Variants in PRKCH observed in about 807,000 individuals in gnomAD.
The protein encoded by PRKCH is protein kinase C eta.
In PRKCH, 28 loss-of-function variants were observed where a neutral mutation model predicts 82.5. That is an observed-to-expected ratio of 0.34 (90% confidence interval 0.25 to 0.47). The LOEUF is 0.47. PRKCH is among the 20% of genes least tolerant of loss of function. The pLI, the probability that PRKCH is intolerant of heterozygous loss-of-function variation, is 1.00. For synonymous variants in PRKCH, 322 were observed against 327.4 expected, an observed-to-expected ratio of 0.98 and a Z score of 0.18; for missense variants, 705 against 881.8, an observed-to-expected ratio of 0.80 and a Z score of 2.54.
intron 2 of PRKCH, chr14:61,442,708 A>T (rs1884035310): frequency 6.5e-6 from 1 of 154,854 alleles, no homozygotes; most frequent in Non-Finnish European, 1.4e-5. Context: ...AGACACAAGG[A>T]TCACCTGAAC....
rs1594712022 is a variant in PRKCH at position 61,443,272 on chromosome 14, C to G, written c.578+11C>G. 1.9e-6 allele frequency: 3 copies of G among 1,611,454 alleles called. No individual in the cohort carries two copies. The highest frequency in any genetic ancestry group is 1.7e-4 in the Middle Eastern group (1 of 6,038). On this transcript the variant is annotated intron_variant, in intron 3 of 13. Transcript: ENST00000332981. ...CAGGGAGTTTATCTGGTAAGGGGTT[C>G]CCTTACTTCTGTCCTCCTCAGAGCT...
At chr14:61,274,986 C>T (rs1486354416) in intron 1 of PRKCH, among the ~76,000 whole-genome samples, 1 of 152,180 alleles carries the variant, frequency 6.6e-6, no homozygotes, top group Non-Finnish European at 1.5e-5. Context: ...AGTCTTCATC[C>T]TTCAAGACCT....
chr14:61,329,234 C>CTTTTTTTTCTTTTTTTT (rs2045747404), intron 1 of PRKCH, among the ~76,000 whole-genome samples: 1 of 63,462 alleles, frequency 1.6e-5, no homozygotes, highest in African/African-American at 6.8e-5. Flanking sequence ...ACTCCTGAGT[C>CTTTTTTTTCTTTTTTTT]TTTTTTTTTT....
At chr14:61,451,916 A>G (rs977411971) in intron 6 of PRKCH, among the ~76,000 whole-genome samples, 4 of 152,126 alleles carry the variant, frequency 2.6e-5, no homozygotes, top group African/African-American at 9.7e-5. Flanking sequence ...GAACACTAAT[A>G]ATTTTTTTCT....
At chr14:61,215,882 T>C (rs1279367177) in intron 1 of PRKCH, among the ~76,000 whole-genome samples, 8 of 152,204 alleles carry the variant, frequency 5.3e-5, no homozygotes, top group Non-Finnish European at 1.2e-4. Context: ...TTTTGTGTAA[T>C]ATAGAATACC....
intron 10 of PRKCH, among the ~76,000 whole-genome samples, chr14:61,509,387 G>C (rs1088681): frequency 0.74 from 112,634 of 151,990 alleles, 43,941 homozygotes; most frequent in Middle Eastern, 0.87. Context: ...ACTTCTTCAC[G>C]ATTGAGTTAC....
At chr14:61,221,499 C>T (rs1419973831) in intron 1 of PRKCH, among the ~76,000 whole-genome samples, 2 of 152,054 alleles carry the variant, frequency 1.3e-5, no homozygotes, top group Non-Finnish European at 2.9e-5. Flanking sequence ...CATGTGCCCC[C>T]TCCCCATTCT....
chr14:61,268,326 A>G (rs1282790046), intron 1 of PRKCH, among the ~76,000 whole-genome samples: 1 of 152,214 alleles, frequency 6.6e-6, no homozygotes. Flanking sequence ...GTATTGAAGA[A>G]TGGTACCAGC....
chr14:61,422,264 C>T (rs916389054), intron 2 of PRKCH, among the ~76,000 whole-genome samples: 1 of 151,990 alleles, frequency 6.6e-6, no homozygotes, highest in Non-Finnish European at 1.5e-5. Flanking sequence ...TTTTGTTTTT[C>T]TGTAGAGACA....
chr14:61,324,811 T>C (rs1014214828), intron 1 of PRKCH, among the ~76,000 whole-genome samples: 4 of 152,218 alleles, frequency 2.6e-5, no homozygotes, highest in Admixed American at 2.6e-4. Context: ...ATCTTTAGTA[T>C]TTTAAATTGA....
At chr14:61,538,645 C>T (rs1054882635) in intron 12 of PRKCH, among the ~76,000 whole-genome samples, 2 of 152,198 alleles carry the variant, frequency 1.3e-5, no homozygotes, top group Admixed American at 6.5e-5. Flanking sequence ...AAAATGACCA[C>T]GGAAACTTTT....
At chr14:61,347,758 G>C (rs1057510743) in intron 1 of PRKCH, 7 of 152,378 alleles carry the variant, frequency 4.6e-5, no homozygotes, top group African/African-American at 9.6e-5. Flanking sequence ...TGTATTGGCA[G>C]ATGTGAGGTG....
intron 1 of PRKCH, chr14:61,344,125 C>G (rs2045962065): frequency 6.6e-6 from 1 of 152,210 alleles, no homozygotes; most frequent in Non-Finnish European, 1.5e-5. Flanking sequence ...AGCATGGTTT[C>G]AGGTCAGTGA....
intron 1 of PRKCH, among the ~76,000 whole-genome samples, chr14:61,382,934 C>T (rs2046533403): frequency 6.6e-6 from 1 of 152,122 alleles, no homozygotes; most frequent in South Asian, 2.1e-4. Context: ...AGGCTTTTAT[C>T]CAAGCCTGTT....
At chr14:61,448,913 G>A (rs114879126) in intron 4 of PRKCH, among the ~76,000 whole-genome samples, 2,115 of 152,282 alleles carry the variant, frequency 0.014, 53 homozygotes, top group African/African-American at 0.048. Context: ...CTCTGGTGGT[G>A]GGTGCAGGAT....
intron 1 of PRKCH, among the ~76,000 whole-genome samples, chr14:61,367,922 A>G (rs1443988762): frequency 6.6e-6 from 1 of 151,422 alleles, no homozygotes; most frequent in Admixed American, 6.6e-5. Context: ...CACCTTGCTA[A>G]CCAGGATGGT....
chr14:61,399,015 G>T (rs1422622986), intron 2 of PRKCH, among the ~76,000 whole-genome samples: 1 of 152,162 alleles, frequency 6.6e-6, no homozygotes, highest in African/African-American at 2.4e-5. Context: ...TGTGATTGTG[G>T]TATTGTGGTT....
At chr14:61,284,460 G>C (rs1165350321) in intron 1 of PRKCH, among the ~76,000 whole-genome samples, 2 of 152,202 alleles carry the variant, frequency 1.3e-5, no homozygotes, top group Non-Finnish European at 2.9e-5. Context: ...AAGCTGGGAG[G>C]AAAAAGTGCT....
intron 1 of PRKCH, 75 bp from the exon 2 acceptor site, chr14:61,391,150 T>A (rs912899908): frequency 1.6e-6 from 2 of 1,230,762 alleles, no homozygotes; most frequent in Non-Finnish European, 2.3e-6. Flanking sequence ...TAGGCCTCTC[T>A]GTGATGAATT....
Sources: allele counts gnomAD v4.1 joint callset (sites outside exome capture counted in the v4.1 genomes callset), GRCh38; gene constraint gnomAD v4.1.1; transcripts MANE v1.5; gene names NCBI Gene and HGNC (gene_info 2026-07-23, HGNC 2026-07-21).